ZNF780A: variants seen among roughly 807,000 people sequenced by gnomAD.
The protein encoded by ZNF780A is zinc finger protein 780A.
Under a neutral mutation model 56.7 loss-of-function variants are expected in ZNF780A, and 40 were observed. The ratio of observed to expected loss-of-function variants is 0.71; its 90% CI spans 0.55 to 0.92. The LOEUF (loss-of-function observed/expected upper bound fraction) is 0.92, where lower values mean the gene tolerates loss of function less well. ZNF780A is among the 40% of genes least tolerant of loss of function. ZNF780A has a pLI of 0.00. For missense variants in ZNF780A, 672 were observed against 783.3 expected (o/e 0.86, Z 1.70); for synonymous variants, 231 against 248.3 (o/e 0.93, Z 0.66).
chr19:40,072,475 C>T (rs1443947299), downstream of ZNF780A: 4 of 157,788 alleles, frequency 2.5e-5, no homozygotes, highest in African/African-American at 9.6e-5. Context: ...CGCTAAAATG[C>T]TAATTAGGCA....
Position 40,073,129 on chromosome 19 carries a change from C to T in ZNF780A, c.*1387G>A. ...GGGTAAAGTGTCATGATGTCTAAAACTTATTCTCAATGGTACAACAAATAT... is the reference window on the plus strand; with the variant it reads ...GGGTAAAGTGTCATGATGTCTAAAATTTATTCTCAATGGTACAACAAATAT... On this transcript the variant is annotated 3_prime_UTR_variant, in exon 6 of 6. Coordinates refer to ENST00000683561, the MANE Select transcript of ZNF780A (RefSeq NM_001142578.2). 1 of 1,221,142 alleles carries T rather than the reference C, an allele frequency of 8.2e-7. No individual in the cohort carries two copies. The highest frequency in any genetic ancestry group is 2.4e-5 in the South Asian group (1 of 41,106). 75.6% of individuals were successfully genotyped at this position (1,221,142 alleles called of 1,614,324 possible). A position where few individuals can be genotyped will look rare whatever the true frequency, so the allele number is the denominator to read the frequency against.
At chr19:40,076,672 A>G (rs1048083662) in intron 5 of ZNF780A, among the ~76,000 whole-genome samples, 79 of 152,096 alleles carry the variant, frequency 5.2e-4, no homozygotes, top group African/African-American at 1.7e-3. Flanking sequence ...TGCTTACCAC[A>G]AGAACCAGCA....
chr19:40,073,701 A>G lies in ZNF780A; in HGVS notation c.*815T>C. ...ACTCAAAGATTTCTCAGAAGTATGA[A>G]TACTCAGAAGTTGAGCAAATCCCAG... On this transcript the variant is annotated 3_prime_UTR_variant, in exon 6 of 6. Transcript: ENST00000683561. 1 of 986,066 alleles carries G rather than the reference A, an allele frequency of 1.0e-6. No individual in the cohort carries two copies. The highest frequency in any genetic ancestry group is 1.2e-6 in the Non-Finnish European group (1 of 830,428). The allele number at this position is 986,066 out of a possible 1,614,324, so 61.1% of individuals were successfully genotyped here.
intron 2 of ZNF780A, among the ~76,000 whole-genome samples, chr19:40,088,422 A>C (rs1301707988): frequency 1.3e-5 from 2 of 152,208 alleles, no homozygotes; most frequent in African/African-American, 4.8e-5. Flanking sequence ...CAACATCACT[A>C]ATCATCAGGG....
At chr19:40,079,548 A>G (rs575527116) in intron 5 of ZNF780A, among the ~76,000 whole-genome samples, 11 of 152,302 alleles carry the variant, frequency 7.2e-5, no homozygotes, top group Admixed American at 5.9e-4. Flanking sequence ...ACATTTTCTC[A>G]TTAGCACACA....
chr19:40,083,934 C>T (rs1249209466), intron 3 of ZNF780A, among the ~76,000 whole-genome samples: 1 of 151,980 alleles, frequency 6.6e-6, no homozygotes, highest in Non-Finnish European at 1.5e-5. Flanking sequence ...GAATTTCACT[C>T]TGTTACCCAG....
Position 40,081,889 on chromosome 19 carries a change from T to C in ZNF780A, c.162A>G (p.Val54=), listed in dbSNP as rs1158943674. Residue 54 remains valine, a synonymous_variant, in exon 5 of 6, where the codon GTA becomes GTG. Coordinates refer to ENST00000683561, the MANE Select transcript of ZNF780A (RefSeq NM_001142578.2). ...SLGSSISKPD[V]ITLLEQEKEP... Reference sequence around the variant, plus strand: ...CTTTCTCTTGCTCTAGTAACGTAATTACATCTGGTTTAGAAATGGAACTTC... The same window carrying C: ...CTTTCTCTTGCTCTAGTAACGTAATCACATCTGGTTTAGAAATGGAACTTC... 6.2e-7 allele frequency: 1 copy of C among 1,612,118 alleles called. No individual in the cohort carries two copies. Among genetic ancestry groups the C allele is most frequent in the East Asian group, 2.2e-5 (1 of 44,816 alleles).
At chr19:40,088,962 A>G (rs1974971196) in intron 2 of ZNF780A, among the ~76,000 whole-genome samples, 1 of 152,208 alleles carries the variant, frequency 6.6e-6, no homozygotes, top group Admixed American at 6.5e-5. Flanking sequence ...AGTTGATATC[A>G]TAGAAGTGGA....
At position 40,085,008 on chromosome 19, in the gene ZNF780A, G is replaced by A. The variant is rs72480745; in HGVS notation, c.-45-210C>T. Among the ~76,000 whole-genome samples the A allele has an allele frequency of 1.4e-3, 206 of 152,354 alleles. 3 individuals are homozygous for A. The East Asian group carries it at 0.033, about 24-fold the overall frequency. On this transcript the variant is annotated intron_variant, in intron 2 of 5. Coordinates refer to ENST00000683561, the MANE Select transcript of ZNF780A (RefSeq NM_001142578.2). ...TAGGGATGAAACCAAGCTCTCGCCT[G>A]CATCCCAGGGAACCTGCGGCAGAAG...
At chr19:40,086,561 G>A (rs1974805261) in intron 2 of ZNF780A, among the ~76,000 whole-genome samples, 1 of 151,092 alleles carries the variant, frequency 6.6e-6, no homozygotes, top group Admixed American at 6.6e-5. Context: ...ACACCACCAT[G>A]CTTGGTTCCC....
chr19:40,073,329 G>T lies in ZNF780A; in HGVS notation c.*1187C>A. The stretch of plus-strand genomic sequence containing the variant: ...ACAATAGCAACATCAAAAATCACTG[G>T]TCATTGATCACCATGATAGATATAT... On this transcript the variant is annotated 3_prime_UTR_variant, in exon 6 of 6. Coordinates refer to ENST00000683561, the MANE Select transcript of ZNF780A (RefSeq NM_001142578.2). 4.0e-6 allele frequency: 1 copy of T among 247,474 alleles called. No individual in the cohort carries two copies. The highest frequency in any genetic ancestry group is 6.6e-6 in the Non-Finnish European group (1 of 151,028). The allele number at this position is 247,474 out of a possible 1,614,324, so 15.3% of individuals were successfully genotyped here. A position where few individuals can be genotyped will look rare whatever the true frequency, so the allele number is the denominator to read the frequency against.
chr19:40,086,724 G>A (rs1974818839), intron 2 of ZNF780A, among the ~76,000 whole-genome samples: 3 of 151,856 alleles, frequency 2.0e-5, no homozygotes, highest in African/African-American at 4.8e-5. Context: ...GGGGGCAGGG[G>A]TGGAGTCTCA....
rs186689652 is a variant in ZNF780A, at chr19:40,083,149, T to A, written c.98A>T (p.Asp33Val). 3.2e-4 allele frequency: 520 copies of A among 1,614,132 alleles called. No homozygotes were observed. In the African/African-American group the frequency reaches 6.1e-3, roughly 19 times the overall value. Residue 33 changes from aspartate to valine, a missense_variant, in exon 4 of 6, where the codon GAT becomes GTT. Transcript: ENST00000683561. ...LQPDQRTLYR[D>V]VMLENYSHLI... ...GTGGCTGTAGTTCTCCAACATCACATCCCTGTACAAGGTCCTCTGATCAGG... is the reference window on the plus strand; with the variant it reads ...GTGGCTGTAGTTCTCCAACATCACAACCCTGTACAAGGTCCTCTGATCAGG...
chr19:40,074,060 C>A lies in ZNF780A; in HGVS notation c.*456G>T. On this transcript the variant is annotated 3_prime_UTR_variant, in exon 6 of 6. Transcript: ENST00000683561. The stretch of plus-strand genomic sequence containing the variant: ...GAATTCTTTGATGTGCAGTCAGGAC[C>A]AAACTAAATCTGAAAGTTTTCCCAC... The A allele has an allele frequency of 8.0e-7, 1 of 1,248,364 alleles. No homozygotes were observed. The highest frequency in any genetic ancestry group is 1.0e-6 in the Non-Finnish European group (1 of 975,976). The allele number at this position is 1,248,364 out of a possible 1,614,324, so 77.3% of individuals were successfully genotyped here.
In ZNF780A at chr19:40,084,683, A is replaced by G. The variant is rs188294433; in HGVS notation, c.9+62T>C. ...TAGGTACGAAGCTTCAGGTTAAATA[A>G]TAACAGTCACCTAACCTGAAAGTCA... is the stretch of plus-strand genomic sequence containing the variant. On this transcript the variant is annotated intron_variant, in intron 3 of 5. Coordinates refer to ENST00000683561, the MANE Select transcript of ZNF780A (RefSeq NM_001142578.2). The G allele has an allele frequency of 2.3e-5, 35 of 1,507,498 alleles. No homozygotes were observed. In the Admixed American group the frequency reaches 5.2e-4, roughly 23 times the overall value. The allele number at this position is 1,507,498 out of a possible 1,614,324, so 93.4% of individuals were successfully genotyped here. A position where few individuals can be genotyped will look rare whatever the true frequency, so the allele number is the denominator to read the frequency against.
chr19:40,071,391 C>T (rs996062695), downstream of ZNF780A: 2 of 152,064 alleles, frequency 1.3e-5, no homozygotes, highest in African/African-American at 4.8e-5. Flanking sequence ...AAATGCTGAA[C>T]AAAAACAAGG....
At position 40,075,140 on chromosome 19, in the gene ZNF780A, C is replaced by T. The variant is rs1974033756; in HGVS notation, c.1302G>A (p.Gln434=). The T allele has an allele frequency of 6.2e-7, 1 of 1,613,304 alleles. No individual in the cohort carries two copies. The highest frequency in any genetic ancestry group is 1.3e-5 in the African/African-American group (1 of 74,704). ...TCTCATTGGAATGAATTTTCTGATG[C>T]TGAATAAGGTGTGCACCACGATTAA... ...KGFNRGAHLI[Q]HQKIHSNEKP... is the part of the protein sequence containing the mutation. The change falls in exon 6 of 6, where the codon CAG becomes CAA. Residue 434 remains glutamine, a synonymous_variant. Coordinates refer to ENST00000683561, the MANE Select transcript of ZNF780A (RefSeq NM_001142578.2).
intron 4 of ZNF780A, among the ~76,000 whole-genome samples, chr19:40,082,735 G>A (rs1156380815): frequency 2.6e-4 from 39 of 152,130 alleles, no homozygotes; most frequent in Non-Finnish European, 8.8e-5. Context: ...TCTCCTTACA[G>A]ATGGGTTAGA....
chr19:40,085,658 G>A (rs997359702), intron 2 of ZNF780A, among the ~76,000 whole-genome samples: 1 of 152,074 alleles, frequency 6.6e-6, no homozygotes, highest in African/African-American at 2.4e-5. Context: ...GAGGCAGGCA[G>A]ATCACGAGGT....
Sources: allele counts gnomAD v4.1 joint callset (sites outside exome capture counted in the v4.1 genomes callset), GRCh38; gene constraint gnomAD v4.1.1; transcripts MANE v1.5; gene names NCBI Gene and HGNC (gene_info 2026-07-23, HGNC 2026-07-21).